MYO5A: variants seen among roughly 807,000 people sequenced by gnomAD.
The protein encoded by MYO5A is unconventional myosin-Va.
MYO5A carries 98 observed loss-of-function variants against 249.7 expected under a neutral mutation model. That is an observed-to-expected ratio of 0.39 (90% CI 0.33 to 0.46). MYO5A has a LOEUF of 0.46. Among genes scored for constraint, MYO5A ranks in the 20% least tolerant of loss-of-function variants. The pLI is 0.98. For synonymous variants in MYO5A, 778 were observed against 810.6 expected, an observed-to-expected ratio of 0.96 and a Z score of 0.68; for missense variants, 1,696 against 2,308.8, an observed-to-expected ratio of 0.73 and a Z score of 5.44.
intron 5 of MYO5A, among the ~76,000 whole-genome samples, chr15:52,411,167 A>G (rs2043231708): frequency 2.0e-5 from 3 of 152,194 alleles, no homozygotes; most frequent in Non-Finnish European, 2.9e-5. Flanking sequence ...TTTTTCCAAA[A>G]AACTTCACCT....
intron 1 of MYO5A, among the ~76,000 whole-genome samples, chr15:52,496,298 C>T (rs189052846): frequency 6.6e-5 from 10 of 152,168 alleles, no homozygotes; most frequent in South Asian, 2.1e-4. Context: ...GTATATCTGC[C>T]CCCTGTGCTT....
At chr15:52,516,753 C>T (rs1022703947) in intron 1 of MYO5A, among the ~76,000 whole-genome samples, 1 of 152,156 alleles carries the variant, frequency 6.6e-6, no homozygotes, top group East Asian at 1.9e-4. Context: ...CAACTGTCCC[C>T]GAAAGCAAAG....
chr15:52,398,670 A>G (rs928000539), intron 9 of MYO5A, among the ~76,000 whole-genome samples: 17 of 152,288 alleles, frequency 1.1e-4, no homozygotes, highest in African/African-American at 4.1e-4. Flanking sequence ...ATATATATGT[A>G]TGTATTTAGA....
chr15:52,380,305 A>G (rs2041667383), intron 16 of MYO5A, among the ~76,000 whole-genome samples: 2 of 152,050 alleles, frequency 1.3e-5, no homozygotes, highest in Non-Finnish European at 2.9e-5. Context: ...GCATGGTGGC[A>G]TACACCTGTA....
intron 5 of MYO5A, among the ~76,000 whole-genome samples, chr15:52,411,147 G>A (rs904862385): frequency 1.2e-4 from 19 of 152,158 alleles, no homozygotes; most frequent in African/African-American, 4.3e-4. Context: ...GTAAGCTTCA[G>A]GTTTTTATTT....
intron 1 of MYO5A, among the ~76,000 whole-genome samples, chr15:52,506,387 C>T (rs2077271710): frequency 6.6e-6 from 1 of 151,642 alleles, no homozygotes; most frequent in Admixed American, 6.6e-5. Context: ...ATTAGCTGGG[C>T]GTGGTGGCAC....
rs576760857 is a variant in MYO5A at position 52,495,978 on chromosome 15, T to C, written c.27+32802A>G. The stretch of plus-strand genomic sequence containing the variant: ...GGATAGCATTAGGAGAAAAACCTAA[T>C]GTAAATGATGAGTTAATGGGTGCAG... On this transcript the variant is annotated intron_variant, in intron 1 of 41. Coordinates refer to ENST00000399233, the MANE Select transcript of MYO5A (RefSeq NM_001382347.1). 3.3e-5 allele frequency among the ~76,000 whole-genome samples: 5 copies of C among 151,708 alleles called. No individual in the cohort carries two copies. In the South Asian group the frequency reaches 1.0e-3, roughly 32 times the overall value.
chr15:52,379,839 C>G lies in MYO5A; in HGVS notation c.2082G>C (p.Ala694=). The stretch of plus-strand genomic sequence containing the variant: ...AGGCTCACCGTGAGGGGAAACCGGC[C>G]GCACTGATTCGGATGGTTTCCAGGA... ...CGVLETIRIS[A]AGFPSRWTYQ... is the part of the protein sequence containing the mutation. Residue 694 remains alanine (A), a synonymous_variant, in exon 17 of 42, where the codon GCG becomes GCC. Coordinates refer to ENST00000399233, the MANE Select transcript of MYO5A (RefSeq NM_001382347.1). 2 of 1,614,108 alleles carry G rather than the reference C, an allele frequency of 1.2e-6. No homozygotes were observed. Among genetic ancestry groups the G allele is most frequent in the Non-Finnish European group, 1.7e-6 (2 of 1,180,002 alleles).
chr15:52,459,935 C>T (rs1314101967), intron 1 of MYO5A, among the ~76,000 whole-genome samples: 1 of 151,242 alleles, frequency 6.6e-6, no homozygotes, highest in Non-Finnish European at 1.5e-5. Flanking sequence ...TCAGACGGGG[C>T]GGCCGGTCAG....
Position 52,384,246 on chromosome 15 carries a change from G to A in MYO5A, c.1829C>T (p.Thr610Ile), listed in dbSNP as rs377682500. The A allele has an allele frequency of 3.1e-6, 5 of 1,614,098 alleles. No individual in the cohort carries two copies. The highest frequency in any genetic ancestry group is 1.3e-5 in the African/African-American group (1 of 74,938). The change falls in exon 15 of 42, where the codon ACA (threonine) becomes ATA (isoleucine). Residue 610 changes from threonine (T) to isoleucine (I), a missense_variant. Thr to Ile is a moderately conservative substitution (Grantham distance 89, BLOSUM62 -1). Transcript: ENST00000399233. ...CTTTGCAGGAGTTCGTGTGAGGGGT[G>A]TGCGCCCTGAGGAGGTGGCTGAAGT... ...SPTSATSSGR[T>I]PLTRTPAKPT...
chr15:52,382,338 C>T (rs904920283), intron 16 of MYO5A, among the ~76,000 whole-genome samples: 38 of 152,016 alleles, frequency 2.5e-4, no homozygotes. Flanking sequence ...ACTGGGAGGC[C>T]GAGTGGGGAC....
At position 52,428,489 on chromosome 15, in the gene MYO5A, G is replaced by A. The variant is rs763798275; in HGVS notation, c.219C>T (p.Asp73=). 5 of 1,614,116 alleles carry A rather than the reference G, an allele frequency of 3.1e-6. No homozygotes were observed. The East Asian group carries it at 8.9e-5, about 29-fold the overall frequency. The change falls in exon 3 of 42, where the codon GAC becomes GAT. Residue 73 remains aspartate (D), a synonymous_variant. Transcript: ENST00000399233. ...RNPDILVGEN[D]LTALSYLHEP... ...CATGAAGATAGCTGAGGGCTGTGAG[G>A]TCATTTTCACCAACAAGTATGTCAG...
intron 32 of MYO5A, 49 bp downstream of exon 32, chr15:52,340,147 G>A (rs1306820910): frequency 1.3e-6 from 2 of 1,597,812 alleles, no homozygotes; most frequent in Admixed American, 1.7e-5. Context: ...AAACTAGACT[G>A]TCGGGCAGGC....
Position 52,364,662 on chromosome 15 carries a change from C to T in MYO5A, c.3201G>A (p.Leu1067=), listed in dbSNP as rs974334618. 12 of 1,613,624 alleles carry T rather than the reference C, an allele frequency of 7.4e-6. No homozygotes were observed. Among genetic ancestry groups the T allele is most frequent in the Admixed American group, 1.7e-5 (1 of 59,982 alleles). The stretch of plus-strand genomic sequence containing the variant: ...GCCTTTCATCATTAAGGTCGAGTTC[C>T]AGTTGTTTCGTTTCTTCTACTAACT... The part of the protein sequence containing the change: ...EKKLVEETKQ[L]ELDLNDERLR... Residue 1067 remains leucine, a synonymous_variant, in exon 24 of 42, where the codon CTG becomes CTA. Coordinates refer to ENST00000399233, the MANE Select transcript of MYO5A (RefSeq NM_001382347.1).
In MYO5A at chr15:52,452,609, C is replaced by A. The variant is rs962380314; in HGVS notation, c.28-19324G>T. On this transcript the variant is annotated intron_variant, in intron 1 of 41. Coordinates refer to ENST00000399233, the MANE Select transcript of MYO5A (RefSeq NM_001382347.1). Reference sequence around the variant, plus strand: ...AGGTATATTCCATAATTCCCCTGTGCCCAAATCCCTAGCCAGCCTTTCCAC... The same window carrying A: ...AGGTATATTCCATAATTCCCCTGTGACCAAATCCCTAGCCAGCCTTTCCAC... 3.9e-5 allele frequency among the ~76,000 whole-genome samples: 6 copies of A among 152,050 alleles called. 1 individual carries two copies. The highest frequency in any genetic ancestry group is 1.3e-4 in the Admixed American group (2 of 15,246).
rs2075580061 is a variant in MYO5A, at chr15:52,433,214, T to C, written c.99A>G (p.Pro33=). 2.5e-6 allele frequency: 4 copies of C among 1,613,714 alleles called. No individual in the cohort carries two copies. The highest frequency in any genetic ancestry group is 1.3e-5 in the African/African-American group (1 of 74,916). The change falls in exon 2 of 42, where the codon CCA becomes CCG. Residue 33 remains proline, a synonymous_variant. Transcript: ENST00000399233. ...GGTGAAGCAGGAGGACTTTATCTCC[T>C]GGCTTATAATCTTTGAGCAGCTCTG... ...KSAELLKDYK[P]GDKVLLLHLE...
intron 39 of MYO5A, among the ~76,000 whole-genome samples, chr15:52,318,013 T>C (rs550520457): frequency 1.3e-5 from 2 of 152,324 alleles, no homozygotes; most frequent in South Asian, 2.1e-4. Flanking sequence ...GAAGGCATTA[T>C]TGTCTTAAAA....
Position 52,310,424 on chromosome 15 carries a change from A to AG in MYO5A, c.*3271dup, listed in dbSNP as rs2037739215. On this transcript the variant is annotated 3_prime_UTR_variant, in exon 42 of 42. Coordinates refer to ENST00000399233, the MANE Select transcript of MYO5A (RefSeq NM_001382347.1). ...TCTGCATGTAGTAAGGTGAATGGGGAGGGGATTATTAAGATAAAGAACTGT... is the reference window on the plus strand; with the variant it reads ...TCTGCATGTAGTAAGGTGAATGGGGAGGGGGATTATTAAGATAAAGAACTGT... 6.6e-6 allele frequency: 1 copy of AG among 152,230 alleles called. No individual in the cohort carries two copies. Among genetic ancestry groups the AG allele is most frequent in the Non-Finnish European group, 1.5e-5 (1 of 68,040 alleles). 9.4% of individuals were successfully genotyped at this position (152,230 alleles called of 1,614,324 possible). A position where few individuals can be genotyped will look rare whatever the true frequency, so the allele number is the denominator to read the frequency against.
rs1351078962 is a variant in MYO5A, at chr15:52,364,574, C to G, written c.3289G>C (p.Glu1097Gln). The G allele has an allele frequency of 6.2e-7, 1 of 1,613,598 alleles. No individual in the cohort carries two copies. The highest frequency in any genetic ancestry group is 8.5e-7 in the Non-Finnish European group (1 of 1,179,920). ...RLEERYDDLK[E>Q]EMTLMVHVPK... ...CTCACCACCATAAGGGTCATCTCTT[C>G]CTTGAGGTCATCATATCTTTCTTCC... Residue 1097 changes from glutamate to glutamine, a missense_variant, in exon 24 of 42, where the codon GAA becomes CAA. Around this residue, in one of 5 missense-constraint regions of MYO5A, gnomAD observed 412 missense variants for 453.3 expected, o/e 0.91. Transcript: ENST00000399233.
Sources: gnomAD v4.1 joint callset for allele counts (sites outside exome capture counted in the v4.1 genomes callset) on GRCh38, gnomAD v4.1.1 for gene constraint, gnomAD v4.1.1 regional missense constraint, MANE v1.5 for transcripts, NCBI Gene and HGNC (gene_info 2026-07-23, HGNC 2026-07-21) for gene names.